CEP135: variants seen among roughly 807,000 people sequenced by gnomAD.
CEP135 encodes the protein centrosomal protein of 135 kDa.
Under a neutral mutation model 157.3 loss-of-function variants are expected in CEP135, and 142 were observed. The observed-to-expected ratio is 0.90, with a 90% CI of 0.79 to 1.04. CEP135 has a LOEUF of 1.04. Ranked by LOEUF, CEP135 falls within the 50% of genes least tolerant of loss-of-function variation. CEP135 has a pLI of 0.00. For synonymous variants in CEP135, 396 were observed against 439.8 expected (o/e 0.90, Z 1.25); for missense variants, 1,317 against 1,309.2 (o/e 1.01, Z -0.09).
At chr4:56,004,776 A>T (rs1314668311) in intron 17 of CEP135, among the ~76,000 whole-genome samples, 1 of 151,898 alleles carries the variant, frequency 6.6e-6, no homozygotes, top group Non-Finnish European at 1.5e-5. Flanking sequence ...ATTCACTTTC[A>T]GTCTTATTTG....
At chr4:55,988,766 G>T (rs1314155024) in intron 14 of CEP135, among the ~76,000 whole-genome samples, 1 of 150,920 alleles carries the variant, frequency 6.6e-6, no homozygotes, top group Non-Finnish European at 1.5e-5. Context: ...GACCATCCTG[G>T]CTAACACGGT....
chr4:55,990,039 G>A (rs1729733145), intron 14 of CEP135, among the ~76,000 whole-genome samples: 1 of 152,154 alleles, frequency 6.6e-6, no homozygotes, highest in Admixed American at 6.5e-5. Context: ...GTGCTGTGAT[G>A]GAGTAGTGGT....
chr4:55,962,930 A>G (rs947454873), intron 6 of CEP135, among the ~76,000 whole-genome samples: 1 of 151,788 alleles, frequency 6.6e-6, no homozygotes, highest in Non-Finnish European at 1.5e-5. Context: ...CTCCAGACCC[A>G]TATACCCACC....
At chr4:56,008,243 G>A (rs972872967) in intron 17 of CEP135, 84 bp from the exon 18 acceptor site, 1 of 946,780 alleles carries the variant, frequency 1.1e-6, no homozygotes, top group Non-Finnish European at 1.7e-6. Flanking sequence ...CTGTGTATTT[G>A]AACTATATGA....
chr4:56,014,951 T>C (rs1200444404), intron 21 of CEP135, among the ~76,000 whole-genome samples: 1 of 152,038 alleles, frequency 6.6e-6, no homozygotes, highest in Non-Finnish European at 1.5e-5. Context: ...TCCCAGCTAC[T>C]TGGGGGGCTG....
intron 18 of CEP135, 64 bp from the exon 19 acceptor site, chr4:56,009,671 T>C (rs1469698406): frequency 7.0e-7 from 1 of 1,421,390 alleles, no homozygotes; most frequent in African/African-American, 1.5e-5. Flanking sequence ...CTATAAGTTT[T>C]CTTTTAAATG....
At chr4:56,023,494 C>T (rs936395516) in intron 24 of CEP135, among the ~76,000 whole-genome samples, 3 of 151,320 alleles carry the variant, frequency 2.0e-5, no homozygotes, top group Non-Finnish European at 2.9e-5. Flanking sequence ...GTAAGTTCTA[C>T]CCTCCATAGT....
At chr4:56,029,602 A>C (rs1731272005) in intron 25 of CEP135, among the ~76,000 whole-genome samples, 1 of 152,184 alleles carries the variant, frequency 6.6e-6, no homozygotes, top group Non-Finnish European at 1.5e-5. Flanking sequence ...AATGTCATAG[A>C]ATGTATGTAC....
intron 7 of CEP135, 127 bp from the exon 8 acceptor site, chr4:55,965,517 A>G (rs1728813626): frequency 3.0e-6 from 2 of 659,548 alleles, no homozygotes; most frequent in Admixed American, 6.5e-5. Context: ...ATTTGCAAAT[A>G]TAAAATAGCT....
chr4:55,956,882 GGGATTATAGGTGTGA>G (rs1186514284), intron 4 of CEP135, among the ~76,000 whole-genome samples: 2 of 152,126 alleles, frequency 1.3e-5, no homozygotes, highest in Non-Finnish European at 2.9e-5. Flanking sequence ...CCAAAGTGCT[GGGATTATAGGTGTGA>G]GCCGCCATAC....
At chr4:56,020,109 GA>G (rs1229457916) in intron 23 of CEP135, among the ~76,000 whole-genome samples, 1 of 152,160 alleles carries the variant, frequency 6.6e-6, no homozygotes, top group African/African-American at 2.4e-5. Context: ...TTGAGGAATG[GA>G]CAGAGGAGTC....
rs373371850 is a variant in CEP135 at position 56,024,486 on chromosome 4, G to C, written c.3321-15G>C. On this transcript the variant is annotated splice_polypyrimidine_tract_variant and intron_variant, in intron 24 of 25. Coordinates refer to ENST00000257287, the MANE Select transcript of CEP135 (RefSeq NM_025009.5). ...GTGCTTGAATATATCTCTCTTGTTT[G>C]ATCTTTACTAACAGAGAACGAGCAA... 6.3e-6 allele frequency: 10 copies of C among 1,597,424 alleles called. No individual in the cohort carries two copies. The African/African-American group carries it at 9.4e-5, about 15-fold the overall frequency.
intron 25 of CEP135, among the ~76,000 whole-genome samples, chr4:56,028,790 A>G (rs1398810196): frequency 2.0e-5 from 3 of 152,220 alleles, no homozygotes; most frequent in Non-Finnish European, 2.9e-5. Flanking sequence ...ACCACTCAGC[A>G]TACCACTTCA....
intron 13 of CEP135, among the ~76,000 whole-genome samples, chr4:55,981,818 G>A (rs1471361496): frequency 6.6e-6 from 1 of 151,846 alleles, no homozygotes; most frequent in East Asian, 1.9e-4. Flanking sequence ...ACTTACAATG[G>A]GATTACATTC....
At chr4:56,000,868 C>A (rs2109715654) in intron 17 of CEP135, among the ~76,000 whole-genome samples, 1 of 152,214 alleles carries the variant, frequency 6.6e-6, no homozygotes. Flanking sequence ...ACATTCCCAC[C>A]AACAGTGTAC....
chr4:55,952,653 C>T lies in CEP135; in HGVS notation c.113+410C>T, dbSNP rs184285713. 242 of 176,524 alleles carry T rather than the reference C, an allele frequency of 1.4e-3. 1 individual carries two copies. Among genetic ancestry groups the T allele is most frequent in the South Asian group, 6.5e-3 (42 of 6,418 alleles). The allele number at this position is 176,524 out of a possible 1,614,324, so 10.9% of individuals were successfully genotyped here. A position where few individuals can be genotyped will look rare whatever the true frequency, so the allele number is the denominator to read the frequency against. On this transcript the variant is annotated intron_variant, in intron 2 of 25. Transcript: ENST00000257287. ...ACATGTCATCATTAGGTGATTTTTT[C>T]GTTGTACCAACATCATAGGGTGTGC...
In CEP135 at chr4:55,954,373, A is replaced by G. The variant is rs754404174; in HGVS notation, c.462A>G (p.Val154=). The G allele has an allele frequency of 1.3e-6, 2 of 1,597,648 alleles. No homozygotes were observed. The highest frequency in any genetic ancestry group is 3.6e-5 in the Admixed American group (2 of 55,368). ...AAGAAAAGAATTTGCATGCTGTAGT[A>G]CAAACTCCAGGTAAATCGATTCCTT... is the stretch of plus-strand genomic sequence containing the variant. ...QLQEKNLHAV[V]QTPGGKKRSI... is the part of the protein sequence containing the mutation. Residue 154 remains valine (V), a synonymous_variant, in exon 4 of 26, where the codon GTA becomes GTG. Coordinates refer to ENST00000257287, the MANE Select transcript of CEP135 (RefSeq NM_025009.5).
chr4:56,011,501 G>A lies in CEP135; in HGVS notation c.2595G>A (p.Trp865Ter), dbSNP rs1465559109. ...VHKYITEVSR[W>*]ESLMAAKEKE... ...AATACATAACAGAGGTGTCACGATG[G>A]GAGAGCTTAATGGCTGCCAAGGTGA... The change falls in exon 20 of 26, where the codon TGG (tryptophan) becomes TGA (stop). Residue 865 changes from tryptophan to a stop codon, truncating the protein, a stop_gained. Coordinates refer to ENST00000257287, the MANE Select transcript of CEP135 (RefSeq NM_025009.5). LOFTEE classifies it high-confidence loss of function. The A allele has an allele frequency of 6.2e-7, 1 of 1,608,690 alleles. No individual in the cohort carries two copies. Among genetic ancestry groups the A allele is most frequent in the Non-Finnish European group, 8.5e-7 (1 of 1,178,296 alleles).
intron 17 of CEP135, among the ~76,000 whole-genome samples, chr4:56,005,092 G>C (rs549055147): frequency 6.6e-6 from 1 of 151,846 alleles, no homozygotes; most frequent in Non-Finnish European, 1.5e-5. Context: ...CTTACAAAAC[G>C]TATCTTTCTA....
Sources: gnomAD v4.1 joint callset for allele counts (sites outside exome capture counted in the v4.1 genomes callset) on GRCh38, gnomAD v4.1.1 for gene constraint, MANE v1.5 for transcripts, NCBI Gene and HGNC (gene_info 2026-07-23, HGNC 2026-07-21) for gene names.